The following ATRIP variants were observed in gnomAD, a reference collection of about 807,000 sequenced individuals.
ATRIP encodes ATR interacting protein.
A neutral mutation model predicts 78.1 loss-of-function variants in ATRIP; 44 were observed. That is an observed-to-expected ratio of 0.56 (90% confidence interval 0.44 to 0.72). The LOEUF (loss-of-function observed/expected upper bound fraction) is 0.72. Ranked by LOEUF, ATRIP falls within the 30% of genes least tolerant of loss-of-function variation. The pLI is 0.00. For missense variants in ATRIP, 927 were observed against 980.2 expected (o/e 0.95, Z 0.72); for synonymous variants, 388 against 408.9 (o/e 0.95, Z 0.62).
rs1362953368 is a variant in ATRIP at position 48,465,096 on chromosome 3, G to C, written c.2308+13G>C. 1 of 1,599,882 alleles carries C rather than the reference G, an allele frequency of 6.3e-7. No homozygotes were observed. The highest frequency in any genetic ancestry group is 1.7e-5 in the Admixed American group (1 of 59,720). ...ACGGACTGTGAAGGTAAGCCTGCCA[G>C]AGGCCATCCTGCCCAGCCCCCATGG... On this transcript the variant is annotated intron_variant, in intron 12 of 12. Coordinates refer to ENST00000320211, the MANE Select transcript of ATRIP (RefSeq NM_130384.3).
chr3:48,467,368 C>G lies in ATRIP; in HGVS notation c.*1814C>G. 6.2e-7 allele frequency: 1 copy of G among 1,614,182 alleles called. No individual in the cohort carries two copies. Among genetic ancestry groups the G allele is most frequent in the Non-Finnish European group, 8.5e-7 (1 of 1,180,038 alleles). ...AGGCCCATGTATGGGGTCACAGCCT[C>G]TGCTAGGACCAAGCCAAGACCATCT... is the stretch of plus-strand genomic sequence containing the variant. On this transcript the variant is annotated 3_prime_UTR_variant, in exon 13 of 13. Transcript: ENST00000320211.
At chr3:48,457,544 T>G in intron 5 of ATRIP, 128 bp downstream of exon 5, 4 of 717,730 alleles carry the variant, frequency 5.6e-6, no homozygotes, top group Non-Finnish European at 8.2e-6. Flanking sequence ...GGACAATCTC[T>G]GCAGGGACTG....
intron 2 of ATRIP, 109 bp downstream of exon 2, chr3:48,450,279 C>A (rs925195192): frequency 1.5e-6 from 2 of 1,350,222 alleles, no homozygotes; most frequent in Admixed American, 4.9e-5. Flanking sequence ...TAGATTCATC[C>A]CTATGACATG....
chr3:48,462,245 G>T (rs1014342447), intron 8 of ATRIP, among the ~76,000 whole-genome samples: 13 of 151,894 alleles, frequency 8.6e-5, no homozygotes, highest in African/African-American at 2.9e-4. Flanking sequence ...AGGTGACAGA[G>T]TGAGACCCTA....
In ATRIP at chr3:48,466,555, C is replaced by T. The variant is rs1228380287; in HGVS notation, c.*1001C>T. The stretch of plus-strand genomic sequence containing the variant: ...GGAAGGCCTGAGATGTGCTTCTGCC[C>T]ACCCCCTACCCCACTCCCTCCCCTT... On this transcript the variant is annotated 3_prime_UTR_variant, in exon 13 of 13. Transcript: ENST00000320211. 2 of 1,613,944 alleles carry T rather than the reference C, an allele frequency of 1.2e-6. No individual in the cohort carries two copies. Among genetic ancestry groups the T allele is most frequent in the South Asian group, 2.2e-5 (2 of 91,082 alleles).
chr3:48,465,138 C>T (rs2040242180), intron 12 of ATRIP, 55 bp downstream of exon 12: 2 of 1,564,208 alleles, frequency 1.3e-6, no homozygotes, highest in African/African-American at 2.7e-5. Flanking sequence ...CCAGAGGTTC[C>T]CCAACAAGTC....
At chr3:48,447,221 G>A (rs1231228222) in intron 1 of ATRIP, 129 bp downstream of exon 1, 2 of 1,272,680 alleles carry the variant, frequency 1.6e-6, no homozygotes, top group African/African-American at 3.1e-5. Flanking sequence ...GGAACACCCT[G>A]ATTTAAGCAG....
Position 48,467,476 on chromosome 3 carries a change from C to G in ATRIP, c.*1922C>G. 1 of 1,614,172 alleles carries G rather than the reference C, an allele frequency of 6.2e-7. No homozygotes were observed. Among genetic ancestry groups the G allele is most frequent in the East Asian group, 2.2e-5 (1 of 44,892 alleles). ...GAGAGCAGGGGTACCAAGGATCTTC[C>G]TCCAGTGAAGGACCCTGGAGCCCTA... On this transcript the variant is annotated 3_prime_UTR_variant, in exon 13 of 13. Coordinates refer to ENST00000320211, the MANE Select transcript of ATRIP (RefSeq NM_130384.3).
intron 2 of ATRIP, 58 bp from the exon 3 acceptor site, chr3:48,451,671 A>G (rs2039839545): frequency 2.1e-6 from 3 of 1,448,472 alleles, no homozygotes; most frequent in Non-Finnish European, 2.8e-6. Context: ...TGTTAAAACA[A>G]AGTACCTAAG....
chr3:48,452,520 AAAAG>A (rs1389874905), intron 3 of ATRIP, among the ~76,000 whole-genome samples: 4 of 152,218 alleles, frequency 2.6e-5, no homozygotes, highest in East Asian at 1.9e-4. Flanking sequence ...ATCTCCACAA[AAAAG>A]AAAAAGAAAA....
rs1315987398 is a variant in ATRIP at position 48,466,816 on chromosome 3, C to G, written c.*1262C>G. ...AGCCCCCCCACCTCTCAGGGGCCACCTCCCACAGTTCCTCCACCACCGCGT... is the reference window on the plus strand; with the variant it reads ...AGCCCCCCCACCTCTCAGGGGCCACGTCCCACAGTTCCTCCACCACCGCGT... On this transcript the variant is annotated 3_prime_UTR_variant, in exon 13 of 13. Coordinates refer to ENST00000320211, the MANE Select transcript of ATRIP (RefSeq NM_130384.3). The G allele has an allele frequency of 1.9e-6, 3 of 1,614,000 alleles. No individual in the cohort carries two copies. The highest frequency in any genetic ancestry group is 1.1e-5 in the South Asian group (1 of 91,086).
chr3:48,457,767 A>G (rs1397021965), intron 5 of ATRIP, among the ~76,000 whole-genome samples: 28 of 152,254 alleles, frequency 1.8e-4, no homozygotes, highest in Non-Finnish European at 1.5e-5. Flanking sequence ...GAAGTCACAC[A>G]GCATCCCCTC....
At position 48,466,625 on chromosome 3, in the gene ATRIP, T is replaced by C. The variant is rs571755959; in HGVS notation, c.*1071T>C. ...CTCACACACCCACCCCATGCTCCTC[T>C]CCAGGCTCAGCAGCAGGTACGTACC... On this transcript the variant is annotated 3_prime_UTR_variant, in exon 13 of 13. Transcript: ENST00000320211. 1 of 1,613,120 alleles carries C rather than the reference T, an allele frequency of 6.2e-7. No homozygotes were observed. Among genetic ancestry groups the C allele is most frequent in the Admixed American group, 1.7e-5 (1 of 59,956 alleles).
chr3:48,465,070 G>C lies in ATRIP; in HGVS notation c.2295G>C (p.Val765=). Residue 765 remains valine, a synonymous_variant, in exon 12 of 13, where the codon GTG becomes GTC. Coordinates refer to ENST00000320211, the MANE Select transcript of ATRIP (RefSeq NM_130384.3). ...VSMLIRGLPD[V]TDCEEAALDD... ...TGCTCATCCGAGGGCTTCCTGATGT[G>C]ACGGACTGTGAAGGTAAGCCTGCCA... The C allele has an allele frequency of 6.2e-7, 1 of 1,609,424 alleles. No individual in the cohort carries two copies. The highest frequency in any genetic ancestry group is 8.5e-7 in the Non-Finnish European group (1 of 1,176,454).
Position 48,459,845 on chromosome 3 carries a change from C to G in ATRIP, c.984C>G (p.Ser328Arg), listed in dbSNP as rs759709115. The change falls in exon 7 of 13, where the codon AGC becomes AGG. Residue 328 changes from serine (S) to arginine (R), a missense_variant. By Grantham distance (110) the Ser-to-Arg change is moderately radical. Coordinates refer to ENST00000320211, the MANE Select transcript of ATRIP (RefSeq NM_130384.3). ...CTTTGATCCCAGGGTCATCCCTAAGCCTTTGCCACCTCCTGAGTAGTAGTT... is the reference window on the plus strand; with the variant it reads ...CTTTGATCCCAGGGTCATCCCTAAGGCTTTGCCACCTCCTGAGTAGTAGTT... ...KQPLIPGSSLSLCHLLSSSSE... is the reference protein window; with the variant it reads ...KQPLIPGSSLRLCHLLSSSSE... The G allele has an allele frequency of 6.2e-7, 1 of 1,614,026 alleles. No homozygotes were observed. The highest frequency in any genetic ancestry group is 1.7e-5 in the Admixed American group (1 of 59,978).
intron 8 of ATRIP, among the ~76,000 whole-genome samples, chr3:48,462,770 AT>A (rs2040154856): frequency 6.6e-6 from 1 of 152,130 alleles, no homozygotes; most frequent in African/African-American, 2.4e-5. Context: ...ATAAAAGTGG[AT>A]TTTCCTTGCA....
At chr3:48,464,758 G>T (rs2040223357) in intron 11 of ATRIP, 73 bp from the exon 12 acceptor site, 1 of 1,602,972 alleles carries the variant, frequency 6.2e-7, no homozygotes, top group Non-Finnish European at 8.5e-7. Context: ...ACGTGAGGTG[G>T]CTAGGCTGAG....
intron 3 of ATRIP, among the ~76,000 whole-genome samples, chr3:48,452,783 GC>G (rs1471669341): frequency 1.3e-5 from 2 of 151,888 alleles, no homozygotes; most frequent in Non-Finnish European, 2.9e-5. Context: ...TCTGTCCCTG[GC>G]CAATTGCTAT....
Position 48,466,190 on chromosome 3 carries a change from T to TGGCTCACGTGGGCCTGTAGGCGGGCCC in ATRIP, c.*637_*663dup. 2 of 533,634 alleles carry TGGCTCACGTGGGCCTGTAGGCGGGCCC rather than the reference T, an allele frequency of 3.7e-6. No homozygotes were observed. Among genetic ancestry groups the TGGCTCACGTGGGCCTGTAGGCGGGCCC allele is most frequent in the Non-Finnish European group, 6.8e-6 (2 of 292,896 alleles). 33.1% of individuals were successfully genotyped at this position (533,634 alleles called of 1,614,324 possible). On this transcript the variant is annotated 3_prime_UTR_variant, in exon 13 of 13. Coordinates refer to ENST00000320211, the MANE Select transcript of ATRIP (RefSeq NM_130384.3). ...GGCAGGCTGACGAGCAGGGCGGGCCTGGCTCACGTGGGCCTGTAGGCGGGC... is the reference window on the plus strand; with the variant it reads ...GGCAGGCTGACGAGCAGGGCGGGCCTGGCTCACGTGGGCCTGTAGGCGGGCCCGGCTCACGTGGGCCTGTAGGCGGGC...
Sources: gnomAD v4.1 joint callset for allele counts (sites outside exome capture counted in the v4.1 genomes callset) on GRCh38, gnomAD v4.1.1 for gene constraint, MANE v1.5 for transcripts, NCBI Gene and HGNC (gene_info 2026-07-23, HGNC 2026-07-21) for gene names.